The following XYLB variants were observed in gnomAD, a reference collection of about 807,000 sequenced individuals.
The protein encoded by XYLB is xylulokinase, also known as xylulose kinase.
XYLB carries 62 observed loss-of-function variants against 78.7 expected under a neutral mutation model. The ratio of observed to expected loss-of-function variants is 0.79; its 90% CI spans 0.64 to 0.97. The LOEUF is 0.97. Ranked by LOEUF, XYLB falls within the 50% of genes least tolerant of loss-of-function variation. The probability of loss-of-function intolerance (pLI) is 0.00; values close to 1 mark genes in which losing one functional copy is unlikely to be tolerated. For synonymous variants in XYLB, 245 were observed against 247.4 expected, an observed-to-expected ratio of 0.99 and a Z score of 0.09; for missense variants, 687 against 676.8, an observed-to-expected ratio of 1.02 and a Z score of -0.17.
Position 38,346,820 on chromosome 3 carries a change from G to A in XYLB, c.-49G>A, listed in dbSNP as rs1428263162. ...GCTGGAGCGCGGCGACTATCACGCCGCGTGGCGGACGGACGGACTGACGGA... is the reference window on the plus strand; with the variant it reads ...GCTGGAGCGCGGCGACTATCACGCCACGTGGCGGACGGACGGACTGACGGA... On this transcript the variant is annotated 5_prime_UTR_variant, in exon 1 of 19. Transcript: ENST00000207870. 3.4e-6 allele frequency: 5 copies of A among 1,466,098 alleles called. No individual in the cohort carries two copies. The highest frequency in any genetic ancestry group is 2.3e-5 in the Admixed American group (1 of 42,660). The allele number at this position is 1,466,098 out of a possible 1,614,324, so 90.8% of individuals were successfully genotyped here. A position where few individuals can be genotyped will look rare whatever the true frequency, so the allele number is the denominator to read the frequency against.
intron 14 of XYLB, among the ~76,000 whole-genome samples, chr3:38,377,336 T>C (rs1210761858): frequency 2.6e-5 from 4 of 152,178 alleles, no homozygotes; most frequent in Non-Finnish European, 5.9e-5. Context: ...ATGAATTTCC[T>C]CCTGGTTGAA....
intron 1 of XYLB, among the ~76,000 whole-genome samples, chr3:38,347,375 C>CT (rs1705126292): frequency 6.6e-6 from 1 of 152,226 alleles, no homozygotes; most frequent in Non-Finnish European, 1.5e-5. Context: ...AGCCCAAAAC[C>CT]TTTTTTTAAA....
chr3:38,450,075 A>G, the XYLB span, among the ~76,000 whole-genome samples: 1 of 152,244 alleles, frequency 6.6e-6, no homozygotes, highest in Non-Finnish European at 1.5e-5. Context: ...TACCAAAGAA[A>G]GTATACACTG....
At position 38,347,036 on chromosome 3, in the gene XYLB, C is replaced by T. The variant is rs1200797966; in HGVS notation, c.57+111C>T. On this transcript the variant is annotated intron_variant, in intron 1 of 18. Transcript: ENST00000207870. ...AACATGGGCCCGGCCGCGGGCGCGC[C>T]TACCTCTCGGGCTTCCCGGGGCCCC... 5 of 1,146,600 alleles carry T rather than the reference C, an allele frequency of 4.4e-6. No individual in the cohort carries two copies. The Admixed American group carries it at 1.2e-4, about 29-fold the overall frequency. 71.0% of individuals were successfully genotyped at this position (1,146,600 alleles called of 1,614,324 possible). A position where few individuals can be genotyped will look rare whatever the true frequency, so the allele number is the denominator to read the frequency against.
At chr3:38,353,885 TA>T (rs71085315) in intron 2 of XYLB, among the ~76,000 whole-genome samples, 26 of 122,000 alleles carry the variant, frequency 2.1e-4, no homozygotes, top group African/African-American at 2.7e-4. Context: ...AGACTCCATA[TA>T]AAAAAAAAAA....
chr3:38,443,604 C>T, the XYLB span, among the ~76,000 whole-genome samples: 1 of 152,068 alleles, frequency 6.6e-6, no homozygotes, highest in Non-Finnish European at 1.5e-5. Context: ...CCTCTTGGTC[C>T]CTTTTATAGA....
intron 16 of XYLB, 40 bp downstream of exon 16, chr3:38,395,603 A>G (rs1707838509): frequency 6.3e-7 from 1 of 1,594,868 alleles, no homozygotes. Context: ...GGCCTCTCCC[A>G]TATCTGTTAT....
intron 18 of XYLB, among the ~76,000 whole-genome samples, chr3:38,405,887 C>T (rs1023411061): frequency 1.3e-5 from 2 of 152,228 alleles, no homozygotes; most frequent in Admixed American, 1.3e-4. Flanking sequence ...CCAGGAGGCT[C>T]GAACTGGGTG....
chr3:38,417,633 G>A (rs1708839732), downstream of XYLB, among the ~76,000 whole-genome samples: 1 of 152,100 alleles, frequency 6.6e-6, no homozygotes, highest in Non-Finnish European at 1.5e-5. Context: ...TGTAATCGCA[G>A]CACTTTGAGA....
At chr3:38,403,501 G>A (rs1575533361) in intron 18 of XYLB, among the ~76,000 whole-genome samples, 1 of 152,126 alleles carries the variant, frequency 6.6e-6, no homozygotes, top group South Asian at 2.1e-4. Context: ...CAAACATCAT[G>A]TCTTCACAGC....
At chr3:38,450,195 C>T in the XYLB span, among the ~76,000 whole-genome samples, 3 of 152,152 alleles carry the variant, frequency 2.0e-5, no homozygotes, top group African/African-American at 7.2e-5. Context: ...TAACCAGGGC[C>T]TCTCAGAAAC....
At chr3:38,443,367 C>G in the XYLB span, among the ~76,000 whole-genome samples, 3 of 152,166 alleles carry the variant, frequency 2.0e-5, no homozygotes, top group African/African-American at 4.8e-5. Context: ...GGCAGTGTGC[C>G]TTCCAGTGAT....
At chr3:38,433,093 G>C in the XYLB span, among the ~76,000 whole-genome samples, 1 of 152,230 alleles carries the variant, frequency 6.6e-6, no homozygotes. Context: ...TGAAATCTAG[G>C]CGTAGATTCC....
At chr3:38,404,512 A>G (rs1026518312) in intron 18 of XYLB, among the ~76,000 whole-genome samples, 1 of 152,228 alleles carries the variant, frequency 6.6e-6, no homozygotes, top group Non-Finnish European at 1.5e-5. Context: ...TTGCATAATC[A>G]GTTGTTAAAA....
chr3:38,379,891 AT>A (rs1459074490), intron 15 of XYLB, among the ~76,000 whole-genome samples: 1 of 152,120 alleles, frequency 6.6e-6, no homozygotes, highest in Admixed American at 6.5e-5. Flanking sequence ...AGGAAAAGAA[AT>A]TTATTTCTTA....
chr3:38,414,750 C>T lies in XYLB; in HGVS notation c.*1737C>T, dbSNP rs1201776107. 9 of 151,800 alleles carry T rather than the reference C, an allele frequency of 5.9e-5. No homozygotes were observed. Among genetic ancestry groups the T allele is most frequent in the African/African-American group, 9.7e-5 (4 of 41,320 alleles). 9.4% of individuals were successfully genotyped at this position (151,800 alleles called of 1,614,324 possible). ...ATATGGTCACAAGTACATTAAGGCA[C>T]GTAGAAGGTAGGAGTAAGAAAAGCT... On this transcript the variant is annotated 3_prime_UTR_variant, in exon 19 of 19. Transcript: ENST00000207870.
At chr3:38,379,141 C>T in intron 14 of XYLB, 105 bp from the exon 15 acceptor site, 1 of 1,177,292 alleles carries the variant, frequency 8.5e-7, no homozygotes, top group Non-Finnish European at 1.3e-6. Flanking sequence ...CTATGAGTTT[C>T]AAATCTGGGC....
chr3:38,432,181 A>C, the XYLB span, among the ~76,000 whole-genome samples: 1 of 152,212 alleles, frequency 6.6e-6, no homozygotes, highest in South Asian at 2.1e-4. Context: ...GAAAGTCTGA[A>C]CTTAATTTCA....
At chr3:38,352,814 T>TAA (rs113005663) in intron 2 of XYLB, among the ~76,000 whole-genome samples, 7 of 144,942 alleles carry the variant, frequency 4.8e-5, no homozygotes, top group African/African-American at 1.5e-4. Flanking sequence ...GTCTAAAAAG[T>TAA]AAAAAAAAAA....
Sources: allele counts gnomAD v4.1 joint callset (sites outside exome capture counted in the v4.1 genomes callset), GRCh38; gene constraint gnomAD v4.1.1; transcripts MANE v1.5; gene names NCBI Gene and HGNC (gene_info 2026-07-23, HGNC 2026-07-21).